NR5A1: variants seen among roughly 807,000 people sequenced by gnomAD.
NR5A1 encodes steroidogenic factor 1.
NR5A1 carries 6 observed loss-of-function variants against 42.7 expected under a neutral mutation model. That is an observed-to-expected ratio of 0.14 (90% CI 0.08 to 0.28). The LOEUF is 0.28. Ranked by LOEUF, NR5A1 falls within the 10% of genes least tolerant of loss-of-function variation. The pLI, the probability that NR5A1 is intolerant of heterozygous loss-of-function variation, is 1.00. For synonymous variants in NR5A1, 274 were observed against 277.5 expected, an observed-to-expected ratio of 0.99 and a Z score of 0.12; for missense variants, 442 against 626.4, an observed-to-expected ratio of 0.71 and a Z score of 3.14.
At chr9:124,483,125 T>G in intron 6 of NR5A1, 120 bp from the exon 7 acceptor site, 1 of 1,592,798 alleles carries the variant, frequency 6.3e-7, no homozygotes, top group South Asian at 1.1e-5. Flanking sequence ...ACATGGGCAT[T>G]GCTGCCACCA....
intron 4 of NR5A1, among the ~76,000 whole-genome samples, chr9:124,495,327 C>G (rs557298148): frequency 7.2e-4 from 110 of 152,358 alleles, no homozygotes; most frequent in African/African-American, 2.6e-3. Flanking sequence ...GGAGCCAAGG[C>G]TCAGAGGGCA....
Position 124,482,484 on chromosome 9 carries a change from G to T in NR5A1, c.*274C>A. Reference sequence around the variant, plus strand: ...AGAGAGAGCTGGGAGCAGGGAGGGGGCGGGGCGGGTGGTTAACAGCCACCT... The same window carrying T: ...AGAGAGAGCTGGGAGCAGGGAGGGGTCGGGGCGGGTGGTTAACAGCCACCT... On this transcript the variant is annotated 3_prime_UTR_variant, in exon 7 of 7. Transcript: ENST00000373588. 1 of 492,498 alleles carries T rather than the reference G, an allele frequency of 2.0e-6. No individual in the cohort carries two copies. The highest frequency in any genetic ancestry group is 3.7e-6 in the Non-Finnish European group (1 of 268,410). The allele number at this position is 492,498 out of a possible 1,614,324, so 30.5% of individuals were successfully genotyped here.
intron 3 of NR5A1, among the ~76,000 whole-genome samples, chr9:124,502,193 T>C (rs1383553282): frequency 6.6e-6 from 1 of 152,134 alleles, no homozygotes; most frequent in East Asian, 1.9e-4. Context: ...ACAGCTAACC[T>C]GCGGCAATGA....
chr9:124,490,512 C>A (rs1832291736), intron 6 of NR5A1, among the ~76,000 whole-genome samples: 1 of 152,170 alleles, frequency 6.6e-6, no homozygotes, highest in Admixed American at 6.5e-5. Flanking sequence ...CCTCTGCTTT[C>A]TTTTCCTCCT....
In NR5A1 at chr9:124,501,996, A is replaced by C. The variant is rs942116347; in HGVS notation, c.244+1083T>G. Among the ~76,000 whole-genome samples the C allele has an allele frequency of 1.1e-4, 16 of 152,138 alleles. No individual in the cohort carries two copies. The highest frequency in any genetic ancestry group is 1.8e-4 in the Non-Finnish European group (12 of 68,018). ...GGCCTGGGTTTCTTGGGGGCAATTC[A>C]ATTGTCCCCCACTGCCCGGCCCCCT... is the stretch of plus-strand genomic sequence containing the variant. On this transcript the variant is annotated intron_variant, in intron 3 of 6. Coordinates refer to ENST00000373588, the MANE Select transcript of NR5A1 (RefSeq NM_004959.5). This position sits in a 1 kb window ranked among gnomAD's most constrained non-coding sequence, Gnocchi z 4.1.
In NR5A1 at chr9:124,482,313, C is replaced by T. The variant is rs1564146626; in HGVS notation, c.*445G>A. 3.7e-6 allele frequency: 1 copy of T among 273,290 alleles called. No individual in the cohort carries two copies. The highest frequency in any genetic ancestry group is 8.9e-5 in the East Asian group (1 of 11,174). The allele number at this position is 273,290 out of a possible 1,614,324, so 16.9% of individuals were successfully genotyped here. A position where few individuals can be genotyped will look rare whatever the true frequency, so the allele number is the denominator to read the frequency against. On this transcript the variant is annotated 3_prime_UTR_variant, in exon 7 of 7. Coordinates refer to ENST00000373588, the MANE Select transcript of NR5A1 (RefSeq NM_004959.5). Reference sequence around the variant, plus strand: ...CTATGGGGGGAACACTGGAGACCCTCTCTCCTCCCCTAGTTGATACCTGCT... The same window carrying T: ...CTATGGGGGGAACACTGGAGACCCTTTCTCCTCCCCTAGTTGATACCTGCT...
chr9:124,496,838 T>A lies in NR5A1; in HGVS notation c.870+3252A>T, dbSNP rs1293228604. Among the ~76,000 whole-genome samples the A allele has an allele frequency of 6.6e-6, 1 of 152,072 alleles. No homozygotes were observed. Among genetic ancestry groups the A allele is most frequent in the Non-Finnish European group, 1.5e-5 (1 of 67,988 alleles). ...CACTGGGCACTCCTGGCCCCCACCG[T>A]CCCCCCGGGTCCTCCCTTGCATCCT... On this transcript the variant is annotated intron_variant, in intron 4 of 6. Transcript: ENST00000373588. The surrounding 1 kb of genome is among the most constrained non-coding windows in gnomAD (Gnocchi z 5.0).
chr9:124,504,683 T>C (rs1355081337), intron 1 of NR5A1, among the ~76,000 whole-genome samples: 1 of 149,500 alleles, frequency 6.7e-6, no homozygotes, highest in Non-Finnish European at 1.5e-5. Flanking sequence ...GGCGCCCACC[T>C]GGTCGCTCCT....
chr9:124,491,036 C>CCCCCCCCCGGGGGGG, intron 6 of NR5A1, 45 bp downstream of exon 6: 78 of 1,401,490 alleles, frequency 5.6e-5, no homozygotes, highest in Non-Finnish European at 6.6e-5. Context: ...CCCACCCACC[C>CCCCCCCCCGGGGGGG]GCCTCTGGCT....
In NR5A1 at chr9:124,501,096, C is replaced by T. The variant is rs940390911; in HGVS notation, c.245-381G>A. 39 of 508,732 alleles carry T rather than the reference C, an allele frequency of 7.7e-5. No individual in the cohort carries two copies. Among genetic ancestry groups the T allele is most frequent in the South Asian group, 4.3e-4 (28 of 64,784 alleles). The allele number at this position is 508,732 out of a possible 1,614,324, so 31.5% of individuals were successfully genotyped here. ...GGAAGCACTCCTGGATTCATGCAAA[C>T]GGGCTCTACTGTCCTTGCCCCAGGT... On this transcript the variant is annotated intron_variant, in intron 3 of 6. Coordinates refer to ENST00000373588, the MANE Select transcript of NR5A1 (RefSeq NM_004959.5). The surrounding 1 kb of genome is among the most constrained non-coding windows in gnomAD (Gnocchi z 4.1).
At chr9:124,504,944 T>TG (rs1299403553) in intron 1 of NR5A1, among the ~76,000 whole-genome samples, 2 of 132,736 alleles carry the variant, frequency 1.5e-5, no homozygotes, top group East Asian at 5.0e-4. Context: ...GAGGCGCACC[T>TG]GGGACCCGGG....
At chr9:124,504,721 G>T (rs1272081471) in intron 1 of NR5A1, among the ~76,000 whole-genome samples, 3 of 147,344 alleles carry the variant, frequency 2.0e-5, no homozygotes, top group Non-Finnish European at 3.0e-5. Context: ...TCCCGCCCGC[G>T]CGGAGCCCGC....
Position 124,506,838 on chromosome 9 carries a change from C to T in NR5A1, c.-16+411G>A, listed in dbSNP as rs78645213. ...AGAACCCAGGCTGACAGATGGATGC[C>T]GGAGACAGACACACGGATACACAGC... On this transcript the variant is annotated intron_variant, in intron 1 of 6. Transcript: ENST00000373588. The T allele has an allele frequency of 7.8e-3, 1,184 of 152,698 alleles. 24 individuals are homozygous for T. The East Asian group carries it at 0.11, about 14-fold the overall frequency. 9.5% of individuals were successfully genotyped at this position (152,698 alleles called of 1,614,324 possible).
intron 6 of NR5A1, among the ~76,000 whole-genome samples, chr9:124,490,200 G>A (rs565421782): frequency 2.0e-5 from 3 of 152,240 alleles, no homozygotes; most frequent in African/African-American, 7.2e-5. Flanking sequence ...CCTCTTCCAG[G>A]AAGCCTTCCA....
At position 124,481,371 on chromosome 9, in the gene NR5A1, A is replaced by C; in HGVS notation, c.*1387T>G. 1 of 144,748 alleles carries C rather than the reference A, an allele frequency of 6.9e-6. No homozygotes were observed. The highest frequency in any genetic ancestry group is 2.7e-5 in the African/African-American group (1 of 37,730). The allele number at this position is 144,748 out of a possible 1,614,324, so 9.0% of individuals were successfully genotyped here. ...CAGGGGGCGGGGAGGGGAGGTACTGAGACAGGGTGGCGGGAGGCGGGAGGC... is the reference window on the plus strand; with the variant it reads ...CAGGGGGCGGGGAGGGGAGGTACTGCGACAGGGTGGCGGGAGGCGGGAGGC... On this transcript the variant is annotated 3_prime_UTR_variant, in exon 7 of 7. Coordinates refer to ENST00000373588, the MANE Select transcript of NR5A1 (RefSeq NM_004959.5).
At chr9:124,506,613 G>T (rs2131294103) in intron 1 of NR5A1, among the ~76,000 whole-genome samples, 2 of 152,292 alleles carry the variant, frequency 1.3e-5, no homozygotes, top group Middle Eastern at 6.8e-3. Flanking sequence ...TGGGGGCTGG[G>T]CTCAGGCCCT....
chr9:124,501,731 C>T lies in NR5A1; in HGVS notation c.245-1016G>A, dbSNP rs369032988. On this transcript the variant is annotated intron_variant, in intron 3 of 6. Coordinates refer to ENST00000373588, the MANE Select transcript of NR5A1 (RefSeq NM_004959.5). The surrounding 1 kb of genome is among the most constrained non-coding windows in gnomAD (Gnocchi z 4.1). The stretch of plus-strand genomic sequence containing the variant: ...GCACTAGGGGCATGGGCTCTGGGGA[C>T]AGGACAGGATGTCCCCTCTCCCATC... Among the ~76,000 whole-genome samples the T allele has an allele frequency of 4.1e-4, 62 of 152,320 alleles. No homozygotes were observed. The East Asian group carries it at 7.2e-3, about 18-fold the overall frequency.
intron 6 of NR5A1, 41 bp downstream of exon 6, chr9:124,491,040 T>G: frequency 8.7e-6 from 2 of 228,870 alleles, no homozygotes; most frequent in Non-Finnish European, 1.6e-5. Context: ...CCCACCCGCC[T>G]CTGGCTGTCT....
At chr9:124,487,702 G>A (rs1486041953) in intron 6 of NR5A1, among the ~76,000 whole-genome samples, 1 of 152,240 alleles carries the variant, frequency 6.6e-6, no homozygotes, top group Non-Finnish European at 1.5e-5. Flanking sequence ...CGCCCCCGAG[G>A]GGGACGCCCT....
Sources: allele counts gnomAD v4.1 joint callset (sites outside exome capture counted in the v4.1 genomes callset), GRCh38; gene constraint gnomAD v4.1.1; non-coding constraint Gnocchi (gnomAD v3.1); transcripts MANE v1.5; gene names NCBI Gene and HGNC (gene_info 2026-07-23, HGNC 2026-07-21).